Variants in IFT74 observed in about 807,000 individuals in gnomAD.
The protein encoded by IFT74 is intraflagellar transport 74, also known as intraflagellar transport protein 74 homolog.
IFT74 carries 92 observed loss-of-function variants against 96.7 expected under a neutral mutation model. The observed-to-expected ratio is 0.95, with a 90% CI of 0.80 to 1.13. IFT74 has a LOEUF of 1.13. Ranked by LOEUF, IFT74 falls within the 50% of genes most tolerant of loss-of-function variation. IFT74 has a pLI of 0.00. For synonymous variants in IFT74, 223 were observed against 213.2 expected (o/e 1.05, Z -0.40); for missense variants, 811 against 698.2 (o/e 1.16, Z -1.82).
rs375252461 is a variant in IFT74, at chr9:26,992,530, T to A, written c.587+2335T>A. On this transcript the variant is annotated intron_variant, in intron 8 of 19. Coordinates refer to ENST00000380062, the MANE Select transcript of IFT74 (RefSeq NM_025103.4). ...CAATGTGGCGAAACTCTGTCTCTACTAAAAATATAAAAATTAGCTGGGTGA... is the reference window on the plus strand; with the variant it reads ...CAATGTGGCGAAACTCTGTCTCTACAAAAAATATAAAAATTAGCTGGGTGA... Among the ~76,000 whole-genome samples the A allele has an allele frequency of 8.6e-5, 13 of 152,000 alleles. No homozygotes were observed. The East Asian group carries it at 1.9e-3, about 23-fold the overall frequency.
rs1820588090 is a variant in IFT74 at position 27,065,789 on chromosome 9, T to G, written c.*3053T>G. ...ACAACCTTAGGGAAATTATAATGTTTAGACTCAAAGTAAGAAGAAATAAAG... is the reference window on the plus strand; with the variant it reads ...ACAACCTTAGGGAAATTATAATGTTGAGACTCAAAGTAAGAAGAAATAAAG... On this transcript the variant is annotated 3_prime_UTR_variant, in exon 20 of 20. Transcript: ENST00000380062. 6.6e-6 allele frequency among the ~76,000 whole-genome samples: 1 copy of G among 152,194 alleles called. No homozygotes were observed. The highest frequency in any genetic ancestry group is 2.4e-5 in the African/African-American group (1 of 41,448).
At chr9:27,001,371 T>A (rs1828476887) in intron 8 of IFT74, among the ~76,000 whole-genome samples, 1 of 151,936 alleles carries the variant, frequency 6.6e-6, no homozygotes, top group African/African-American at 2.4e-5. Context: ...TTTTAGTTTT[T>A]TAAGGAACCT....
intron 7 of IFT74, 27 bp from the exon 8 acceptor site, chr9:26,990,107 A>G (rs761576693): frequency 7.1e-7 from 1 of 1,418,206 alleles, no homozygotes. Flanking sequence ...TTTATTTCTT[A>G]CTAACTTATG....
intron 4 of IFT74, among the ~76,000 whole-genome samples, chr9:26,983,440 A>G (rs75759446): frequency 0.072 from 10,915 of 152,198 alleles, 573 homozygotes; most frequent in African/African-American, 0.15. Context: ...GGCAATTTCT[A>G]TACATGTTTC....
intron 18 of IFT74, among the ~76,000 whole-genome samples, chr9:27,058,671 A>G (rs1327999045): frequency 6.6e-6 from 1 of 152,208 alleles, no homozygotes; most frequent in East Asian, 1.9e-4. Flanking sequence ...TGCAGGTGTG[A>G]GCCACCACAC....
At chr9:26,961,455 G>A (rs1826356925) in intron 1 of IFT74, among the ~76,000 whole-genome samples, 1 of 152,094 alleles carries the variant, frequency 6.6e-6, no homozygotes, top group Non-Finnish European at 1.5e-5. Flanking sequence ...CAAGAAAAGT[G>A]CCACCTCCTT....
intron 12 of IFT74, among the ~76,000 whole-genome samples, chr9:27,023,760 A>T (rs1182575519): frequency 6.6e-6 from 1 of 152,114 alleles, no homozygotes; most frequent in Non-Finnish European, 1.5e-5. Context: ...TCCCCCATTG[A>T]ACATAACTTC....
At chr9:27,054,467 C>T (rs1029302918) in intron 16 of IFT74, among the ~76,000 whole-genome samples, 1 of 152,184 alleles carries the variant, frequency 6.6e-6, no homozygotes, top group Admixed American at 6.5e-5. Flanking sequence ...CTCTAAAATA[C>T]AGCTCCCTGA....
intron 14 of IFT74, 72 bp downstream of exon 14, chr9:27,044,867 C>T (rs1819633250): frequency 1.1e-6 from 1 of 881,552 alleles, no homozygotes; most frequent in African/African-American, 1.7e-5. Context: ...AAATCAGAGA[C>T]CTCATTTTGG....
intron 2 of IFT74, among the ~76,000 whole-genome samples, chr9:26,964,593 T>A (rs1248378573): frequency 6.6e-6 from 1 of 152,122 alleles, no homozygotes; most frequent in Non-Finnish European, 1.5e-5. Context: ...TTCCTACCCG[T>A]GAGCATGGAA....
chr9:27,062,838 T>G lies in IFT74; in HGVS notation c.*102T>G. The G allele has an allele frequency of 1.5e-6, 1 of 684,140 alleles. No individual in the cohort carries two copies. 42.4% of individuals were successfully genotyped at this position (684,140 alleles called of 1,614,324 possible). A position where few individuals can be genotyped will look rare whatever the true frequency, so the allele number is the denominator to read the frequency against. On this transcript the variant is annotated 3_prime_UTR_variant, in exon 20 of 20. Transcript: ENST00000380062. ...AAAAAGCTTACTTTTGGAGTTTACCTAAAATTTCTGAATGTTATAATTTTT... is the reference window on the plus strand; with the variant it reads ...AAAAAGCTTACTTTTGGAGTTTACCGAAAATTTCTGAATGTTATAATTTTT...
chr9:27,060,117 A>C (rs938031750), intron 18 of IFT74, among the ~76,000 whole-genome samples: 1 of 152,218 alleles, frequency 6.6e-6, no homozygotes, highest in Non-Finnish European at 1.5e-5. Flanking sequence ...TTCACACTGC[A>C]GCTCTGCTCT....
chr9:27,056,500 A>C (rs779410856), intron 18 of IFT74, 41 bp downstream of exon 18: 8 of 1,518,502 alleles, frequency 5.3e-6, no homozygotes, highest in Non-Finnish European at 7.1e-6. Flanking sequence ...GTCTTAGTCT[A>C]TATTTTCACC....
intron 12 of IFT74, 77 bp from the exon 13 acceptor site, chr9:27,028,948 T>C: frequency 7.6e-7 from 1 of 1,314,210 alleles, no homozygotes; most frequent in Middle Eastern, 2.2e-4. Flanking sequence ...TTGGAAAAGA[T>C]ATCTAACCTC....
chr9:26,984,023 A>T, intron 4 of IFT74: 1 of 291,106 alleles, frequency 3.4e-6, no homozygotes, highest in Non-Finnish European at 6.4e-6. Context: ...ACCTCACGTG[A>T]TGCGCCTGCC....
chr9:26,999,213 A>G (rs1828340969), intron 8 of IFT74, among the ~76,000 whole-genome samples: 2 of 152,248 alleles, frequency 1.3e-5, no homozygotes, highest in South Asian at 4.1e-4. Flanking sequence ...ACTGAACAGT[A>G]AACTAAGAAT....
rs1009780426 is a variant in IFT74, at chr9:26,988,710, A to T, written c.507A>T (p.Val169=). The T allele has an allele frequency of 1.3e-6, 2 of 1,542,398 alleles. No individual in the cohort carries two copies. The highest frequency in any genetic ancestry group is 1.8e-6 in the Non-Finnish European group (2 of 1,130,454). ...KLNTNTEMEE[V]MNDYNMLKAQ... ...ATACCAACACTGAAATGGAAGAAGT[A>T]ATGAATGATTACAATATGGTAAGAA... Residue 169 remains valine (V), a synonymous_variant, in exon 7 of 20, where the codon GTA becomes GTT. Transcript: ENST00000380062.
At chr9:27,031,109 C>G (rs1424696242) in intron 13 of IFT74, among the ~76,000 whole-genome samples, 1 of 152,158 alleles carries the variant, frequency 6.6e-6, no homozygotes, top group Non-Finnish European at 1.5e-5. Flanking sequence ...AGTCCTACTG[C>G]CTCAGCCTTC....
chr9:27,036,212 G>C (rs1353686152), intron 13 of IFT74, among the ~76,000 whole-genome samples: 2 of 152,160 alleles, frequency 1.3e-5, no homozygotes, highest in African/African-American at 4.8e-5. Context: ...GAAGAGTTTG[G>C]TCTTGCTATC....
Sources: gnomAD v4.1 joint callset for allele counts (sites outside exome capture counted in the v4.1 genomes callset) on GRCh38, gnomAD v4.1.1 for gene constraint, MANE v1.5 for transcripts, NCBI Gene and HGNC (gene_info 2026-07-23, HGNC 2026-07-21) for gene names.